PALS2: variants seen among roughly 807,000 people sequenced by gnomAD.
PALS2 encodes the protein protein associated with LIN7 2, MAGUK p55 family member.
PALS2 carries 27 observed loss-of-function variants against 61.6 expected under a neutral mutation model. That is an observed-to-expected ratio of 0.44 (90% CI 0.32 to 0.60). The LOEUF (loss-of-function observed/expected upper bound fraction) is 0.60. Among genes scored for constraint, PALS2 ranks in the 20% least tolerant of loss-of-function variants. PALS2 has a pLI of 0.05. For synonymous variants in PALS2, 236 were observed against 218.6 expected (o/e 1.08, Z -0.70); for missense variants, 554 against 639.4 (o/e 0.87, Z 1.44).
intron 9 of PALS2, among the ~76,000 whole-genome samples, chr7:24,676,615 C>A (rs1787610075): frequency 6.6e-6 from 1 of 152,006 alleles, no homozygotes; most frequent in South Asian, 2.1e-4. Context: ...GGTCCCAGCA[C>A]CATTTATTAA....
At chr7:24,612,877 T>G (rs1384193955) in intron 1 of PALS2, among the ~76,000 whole-genome samples, 2 of 151,848 alleles carry the variant, frequency 1.3e-5, no homozygotes, top group Non-Finnish European at 3.0e-5. Context: ...GGCATTCTTG[T>G]CTAGTCCCTG....
intron 3 of PALS2, among the ~76,000 whole-genome samples, chr7:24,643,863 T>C (rs1785689823): frequency 1.3e-5 from 2 of 152,170 alleles, no homozygotes; most frequent in South Asian, 2.1e-4. Context: ...AGTGATACGA[T>C]GCAACATGAA....
intron 1 of PALS2, chr7:24,574,060 T>G (rs1053237525): frequency 6.6e-6 from 1 of 152,278 alleles, no homozygotes; most frequent in African/African-American, 2.4e-5. Flanking sequence ...GGGGCGGCGT[T>G]GCTGTGACTG....
Position 24,573,491 on chromosome 7 carries a change from T to C in PALS2, c.-105T>C. ...CAACTACGAGCCACGAGTTTGCAGA[T>C]GGGGCTGCTCGGCGGCGCCTGTGGC... On this transcript the variant is annotated 5_prime_UTR_variant, in exon 1 of 12. It removes an upstream start codon present in the reference 5' UTR. Coordinates refer to ENST00000222644, the MANE Select transcript of PALS2 (RefSeq NM_001303037.2). This position sits in a 1 kb window ranked among gnomAD's most constrained non-coding sequence, Gnocchi z 5.3. The C allele has an allele frequency of 8.0e-6, 3 of 373,400 alleles. No individual in the cohort carries two copies. Among genetic ancestry groups the C allele is most frequent in the Non-Finnish European group, 1.4e-5 (3 of 211,308 alleles). The allele number at this position is 373,400 out of a possible 1,614,324, so 23.1% of individuals were successfully genotyped here.
chr7:24,686,366 G>C (rs983868045), intron 11 of PALS2, among the ~76,000 whole-genome samples: 1 of 151,982 alleles, frequency 6.6e-6, no homozygotes, highest in Non-Finnish European at 1.5e-5. Flanking sequence ...CATCTCGTAG[G>C]GGTCCTCCAT....
At chr7:24,685,668 T>A (rs78544913) in intron 11 of PALS2, among the ~76,000 whole-genome samples, 59 of 137,050 alleles carry the variant, frequency 4.3e-4, no homozygotes, top group African/African-American at 1.5e-3. Flanking sequence ...TTTTTTTTTT[T>A]AACAAATCAG....
intron 1 of PALS2, among the ~76,000 whole-genome samples, chr7:24,586,504 A>G (rs1783069805): frequency 6.6e-6 from 1 of 152,228 alleles, no homozygotes; most frequent in Non-Finnish European, 1.5e-5. Context: ...GAGTGAAGGC[A>G]TTTAGGTGAG....
chr7:24,594,943 A>G (rs534359852), intron 1 of PALS2, among the ~76,000 whole-genome samples: 38 of 152,282 alleles, frequency 2.5e-4, no homozygotes, highest in African/African-American at 9.1e-4. Context: ...GCTGTTGGAA[A>G]AATGGCTTCA....
intron 5 of PALS2, among the ~76,000 whole-genome samples, chr7:24,657,370 CAT>C (rs1786476374): frequency 6.6e-6 from 1 of 152,134 alleles, no homozygotes; most frequent in Non-Finnish European, 1.5e-5. Flanking sequence ...TTTTGGGCAA[CAT>C]GTGGTATGGT....
intron 1 of PALS2, among the ~76,000 whole-genome samples, chr7:24,591,040 C>T (rs150749195): frequency 2.0e-5 from 3 of 152,086 alleles, no homozygotes; most frequent in African/African-American, 7.2e-5. Context: ...TTTTGTCTCA[C>T]CTCCCCTCCA....
chr7:24,676,930 G>C (rs1787632013), intron 9 of PALS2, among the ~76,000 whole-genome samples: 1 of 151,102 alleles, frequency 6.6e-6, no homozygotes, highest in Admixed American at 6.6e-5. Flanking sequence ...TTGGTAGCTT[G>C]ATGGGGATGG....
intron 2 of PALS2, among the ~76,000 whole-genome samples, chr7:24,635,638 G>A (rs1249791528): frequency 6.6e-6 from 1 of 152,176 alleles, no homozygotes; most frequent in African/African-American, 2.4e-5. Context: ...TTAAGGGGAA[G>A]TATCTAATCT....
rs1276111921 is a variant in PALS2 at position 24,665,510 on chromosome 7, C to G, written c.784-78C>G. The G allele has an allele frequency of 3.9e-6, 5 of 1,285,466 alleles. No homozygotes were observed. The African/African-American group carries it at 4.4e-5, about 11-fold the overall frequency. 79.6% of individuals were successfully genotyped at this position (1,285,466 alleles called of 1,614,324 possible). ...GAGCAAATGTGACTTTTTTGACTGA[C>G]CACTGCTTGTCTTACTTAATAGAAT... On this transcript the variant is annotated intron_variant, in intron 6 of 11. Transcript: ENST00000222644.
chr7:24,610,948 A>G (rs998633590), intron 1 of PALS2, among the ~76,000 whole-genome samples: 1 of 152,146 alleles, frequency 6.6e-6, no homozygotes, highest in Admixed American at 6.6e-5. Flanking sequence ...AATTTTTAAC[A>G]TCTTATGAAT....
chr7:24,593,910 G>C (rs1252909948), intron 1 of PALS2, among the ~76,000 whole-genome samples: 3 of 152,072 alleles, frequency 2.0e-5, no homozygotes, highest in African/African-American at 7.2e-5. Flanking sequence ...TAACTAAAGA[G>C]TCAGACTGTC....
chr7:24,665,705 A>G lies in PALS2; in HGVS notation c.883+18A>G, dbSNP rs1377661757. On this transcript the variant is annotated intron_variant, in intron 7 of 11. Transcript: ENST00000222644. ...CAATTCAGGTGATGAGCTCGACACA[A>G]TAAGTAACAAGCAGTCCTTTGTGAC... is the stretch of plus-strand genomic sequence containing the variant. The G allele has an allele frequency of 3.8e-6, 6 of 1,599,146 alleles. No individual in the cohort carries two copies. The highest frequency in any genetic ancestry group is 1.3e-5 in the African/African-American group (1 of 74,520).
chr7:24,686,322 C>A (rs1353032381), intron 11 of PALS2, among the ~76,000 whole-genome samples: 1 of 152,134 alleles, frequency 6.6e-6, no homozygotes, highest in Non-Finnish European at 1.5e-5. Flanking sequence ...TCATGTCATG[C>A]CACATTTTCA....
chr7:24,693,177 AT>A lies in PALS2; in HGVS notation c.*5566del, dbSNP rs888143750. The A allele has an allele frequency of 6.6e-6, 1 of 152,162 alleles. No individual in the cohort carries two copies. Among genetic ancestry groups the A allele is most frequent in the African/African-American group, 2.4e-5 (1 of 41,426 alleles). The allele number at this position is 152,162 out of a possible 1,614,324, so 9.4% of individuals were successfully genotyped here. A position where few individuals can be genotyped will look rare whatever the true frequency, so the allele number is the denominator to read the frequency against. On this transcript the variant is annotated 3_prime_UTR_variant, in exon 12 of 12. Coordinates refer to ENST00000222644, the MANE Select transcript of PALS2 (RefSeq NM_001303037.2). ...ATGCCACCAATCAGAAGATTGAGTGATTTACTGCTTGTAAAGCAACTGTCTT... is the reference window on the plus strand; with the variant it reads ...ATGCCACCAATCAGAAGATTGAGTGATTACTGCTTGTAAAGCAACTGTCTT...
At chr7:24,681,823 T>G (rs1287517466) in intron 11 of PALS2, among the ~76,000 whole-genome samples, 1 of 152,188 alleles carries the variant, frequency 6.6e-6, no homozygotes, top group African/African-American at 2.4e-5. Context: ...CCTTTTCCCC[T>G]CACTGTACTT....
Sources: gnomAD v4.1 joint callset for allele counts (sites outside exome capture counted in the v4.1 genomes callset) on GRCh38, gnomAD v4.1.1 for gene constraint, Gnocchi (gnomAD v3.1) non-coding constraint, MANE v1.5 for transcripts, NCBI Gene and HGNC (gene_info 2026-07-23, HGNC 2026-07-21) for gene names.